The following TEX9 variants were observed in gnomAD, a reference collection of about 807,000 sequenced individuals.
The protein encoded by TEX9 is testis expressed 9.
Under a neutral mutation model 59.6 loss-of-function variants are expected in TEX9, and 74 were observed. That is an observed-to-expected ratio of 1.24 (90% CI 1.03 to 1.51). The LOEUF is 1.51. Ranked by LOEUF, TEX9 falls within the 40% of genes most tolerant of loss-of-function variation. The pLI is 0.00. For missense variants in TEX9, 522 were observed against 447.8 expected (o/e 1.17, Z -1.49); for synonymous variants, 186 against 152.2 (o/e 1.22, Z -1.64).
intron 1 of TEX9, among the ~76,000 whole-genome samples, chr15:56,337,097 C>CT (rs1414866363): frequency 1.3e-5 from 2 of 152,118 alleles, no homozygotes; most frequent in African/African-American, 2.4e-5. Flanking sequence ...TCTAGTTAGT[C>CT]TTTTTTTCCT....
intron 1 of TEX9, among the ~76,000 whole-genome samples, chr15:56,273,169 G>A (rs1261277531): frequency 6.6e-6 from 1 of 152,010 alleles, no homozygotes; most frequent in African/African-American, 2.4e-5. Flanking sequence ...TGGCCAGGCT[G>A]GTCTTGAACT....
At chr15:56,347,060 A>G (rs2046485343) in intron 1 of TEX9, among the ~76,000 whole-genome samples, 1 of 152,202 alleles carries the variant, frequency 6.6e-6, no homozygotes, top group South Asian at 2.1e-4. Flanking sequence ...ATCTGCACAA[A>G]CACTGATGAA....
intron 1 of TEX9, among the ~76,000 whole-genome samples, chr15:56,325,842 GATTATCCAGA>G (rs1182748769): frequency 6.6e-6 from 1 of 152,096 alleles, no homozygotes; most frequent in African/African-American, 2.4e-5. Flanking sequence ...AAAATTTAGT[GATTATCCAGA>G]ATCTTAAGTC....
chr15:56,451,606 T>C, the TEX9 span, among the ~76,000 whole-genome samples: 1 of 152,174 alleles, frequency 6.6e-6, no homozygotes, highest in Non-Finnish European at 1.5e-5. Flanking sequence ...ATTTTCATTA[T>C]TATTCAGTTA....
chr15:56,435,186 A>G (rs2050699952), intron 12 of TEX9, among the ~76,000 whole-genome samples: 1 of 152,056 alleles, frequency 6.6e-6, no homozygotes, highest in Admixed American at 6.6e-5. Context: ...TACATTTAGG[A>G]AAATGTATAT....
At chr15:56,384,056 C>T (rs563887164) in intron 4 of TEX9, 25 bp downstream of exon 4, 3 of 1,565,368 alleles carry the variant, frequency 1.9e-6, no homozygotes, top group African/African-American at 2.7e-5. Flanking sequence ...TTCTCAAGCA[C>T]CTTCTTTTAA....
chr15:56,394,024 C>A, intron 7 of TEX9, 141 bp from the exon 8 acceptor site: 1 of 628,604 alleles, frequency 1.6e-6, no homozygotes, highest in Non-Finnish European at 2.7e-6. Context: ...TGTTGAGTAC[C>A]TATAGTGCCC....
At chr15:56,256,394 A>T (rs1355918589) in intron 1 of TEX9, among the ~76,000 whole-genome samples, 1 of 152,134 alleles carries the variant, frequency 6.6e-6, no homozygotes, top group Non-Finnish European at 1.5e-5. Flanking sequence ...ATACAAATCA[A>T]AATCTACATA....
At chr15:56,394,106 C>T in intron 7 of TEX9, 59 bp from the exon 8 acceptor site, 6 of 1,469,622 alleles carry the variant, frequency 4.1e-6, no homozygotes, top group Non-Finnish European at 5.6e-6. Flanking sequence ...GTCTGTCTTA[C>T]AATTGATGTC....
chr15:56,291,564 G>A (rs2045093445), intron 1 of TEX9, among the ~76,000 whole-genome samples: 1 of 152,094 alleles, frequency 6.6e-6, no homozygotes, highest in Non-Finnish European at 1.5e-5. Context: ...TCTTTGTGGT[G>A]AGAATACTTA....
chr15:56,426,011 A>C (rs1387180038), intron 10 of TEX9, among the ~76,000 whole-genome samples: 2 of 152,006 alleles, frequency 1.3e-5, no homozygotes, highest in African/African-American at 4.8e-5. Flanking sequence ...AAATCTCACT[A>C]CTTCTTCTCA....
chr15:56,380,000 TGATTGA>T (rs2047653380), intron 3 of TEX9, among the ~76,000 whole-genome samples: 1 of 152,184 alleles, frequency 6.6e-6, no homozygotes, highest in African/African-American at 2.4e-5. Context: ...GTCCGTCTTT[TGATTGA>T]AGAGTTTAGT....
chr15:56,434,279 T>C lies in TEX9; in HGVS notation c.*29+5806T>C. 1.9e-6 allele frequency: 3 copies of C among 1,614,000 alleles called. No homozygotes were observed. The South Asian group carries it at 3.3e-5, about 18-fold the overall frequency. ...CAGCAAATTTAGCTAGCATAGTTTT[T>C]CTAAAGTTCTCCTCTTCCTCTTTTG... On this transcript the variant is annotated intron_variant, in intron 12 of 12. Transcript: ENST00000352903.
At chr15:56,457,882 C>G in the TEX9 span, among the ~76,000 whole-genome samples, 1 of 143,816 alleles carries the variant, frequency 7.0e-6, no homozygotes, top group Non-Finnish European at 1.6e-5. Flanking sequence ...GCATTTATCC[C>G]AGGGAAATGA....
At chr15:56,380,846 C>A (rs1351481991) in intron 3 of TEX9, among the ~76,000 whole-genome samples, 4 of 152,048 alleles carry the variant, frequency 2.6e-5, no homozygotes, top group African/African-American at 9.7e-5. Flanking sequence ...TTTTTAGGAT[C>A]CTTTCTTTAT....
chr15:56,412,742 G>A (rs1343139922), intron 10 of TEX9, among the ~76,000 whole-genome samples: 1 of 152,120 alleles, frequency 6.6e-6, no homozygotes, highest in Non-Finnish European at 1.5e-5. Context: ...TTTAAAAAAA[G>A]TATCTTTTGT....
At chr15:56,256,402 A>G (rs1399162421) in intron 1 of TEX9, among the ~76,000 whole-genome samples, 4 of 152,120 alleles carry the variant, frequency 2.6e-5, no homozygotes, top group Admixed American at 6.6e-5. Context: ...CAAAATCTAC[A>G]TATACTCAGA....
At chr15:56,431,971 TTAAA>T (rs1372809190) in intron 12 of TEX9, among the ~76,000 whole-genome samples, 2 of 152,160 alleles carry the variant, frequency 1.3e-5, no homozygotes, top group African/African-American at 4.8e-5. Flanking sequence ...GTGCTCACTC[TTAAA>T]TAATCACATC....
intron 1 of TEX9, among the ~76,000 whole-genome samples, chr15:56,349,059 A>T (rs1295361749): frequency 6.6e-6 from 1 of 152,084 alleles, no homozygotes; most frequent in African/African-American, 2.4e-5. Context: ...ATGAGTAGTT[A>T]TAATAACTGC....
Sources: gnomAD v4.1 joint callset for allele counts (sites outside exome capture counted in the v4.1 genomes callset) on GRCh38, gnomAD v4.1.1 for gene constraint, MANE v1.5 for transcripts, NCBI Gene and HGNC (gene_info 2026-07-23, HGNC 2026-07-21) for gene names.